The following JAZF1 variants were observed in gnomAD, a reference collection of about 807,000 sequenced individuals.
JAZF1 encodes the protein juxtaposed with another zinc finger protein 1.
A neutral mutation model predicts 26.4 loss-of-function variants in JAZF1; 8 were observed. The ratio of observed to expected loss-of-function variants is 0.30; its 90% CI spans 0.18 to 0.55. The LOEUF (loss-of-function observed/expected upper bound fraction) is 0.55. Ranked by LOEUF, JAZF1 falls within the 20% of genes least tolerant of loss-of-function variation. The pLI, the probability that JAZF1 is intolerant of heterozygous loss-of-function variation, is 0.94. For missense variants in JAZF1, 199 were observed against 322.0 expected (o/e 0.62, Z 2.92); for synonymous variants, 126 against 122.3 (o/e 1.03, Z -0.20).
intron 2 of JAZF1, among the ~76,000 whole-genome samples, chr7:27,915,794 A>G (rs1417867940): frequency 6.6e-6 from 1 of 152,244 alleles, no homozygotes; most frequent in Admixed American, 6.5e-5. Flanking sequence ...TTTATTATTA[A>G]TACTCCATTT....
intron 2 of JAZF1, among the ~76,000 whole-genome samples, chr7:27,897,485 G>C (rs947778638): frequency 6.6e-6 from 1 of 150,556 alleles, no homozygotes; most frequent in African/African-American, 2.5e-5. Flanking sequence ...ACGGGAGTCT[G>C]ATCTTTGGCT....
At chr7:28,163,912 T>C (rs554240855) in intron 1 of JAZF1, among the ~76,000 whole-genome samples, 2 of 152,358 alleles carry the variant, frequency 1.3e-5, no homozygotes, top group South Asian at 4.1e-4. Flanking sequence ...CAGCTCTCCC[T>C]CCTCAAAAGA....
intron 2 of JAZF1, among the ~76,000 whole-genome samples, chr7:27,897,651 G>A (rs1248307663): frequency 1.3e-5 from 2 of 152,210 alleles, no homozygotes; most frequent in African/African-American, 2.4e-5. Context: ...TGGACTTCCC[G>A]AGCGTGGTGA....
At chr7:27,841,190 C>A in intron 3 of JAZF1, 1 of 256,240 alleles carries the variant, frequency 3.9e-6, no homozygotes, top group African/African-American at 2.2e-5. Context: ...TGCTCTGGGG[C>A]CAAAACCAAA....
chr7:27,883,567 C>T (rs1047060771), intron 3 of JAZF1, among the ~76,000 whole-genome samples: 23 of 152,290 alleles, frequency 1.5e-4, no homozygotes, highest in African/African-American at 4.6e-4. Context: ...AGTGCCTGCC[C>T]GTCAGAGAAA....
intron 1 of JAZF1, among the ~76,000 whole-genome samples, chr7:28,013,924 A>T (rs1248501799): frequency 1.3e-5 from 2 of 152,206 alleles, no homozygotes; most frequent in Non-Finnish European, 2.9e-5. Context: ...TCAATATCTA[A>T]ATAAAAATTA....
At chr7:28,003,228 A>G (rs1194287088) in intron 1 of JAZF1, among the ~76,000 whole-genome samples, 1 of 134,488 alleles carries the variant, frequency 7.4e-6, no homozygotes, top group Non-Finnish European at 1.6e-5. Context: ...GATTTAAAAG[A>G]AAAAAAAAAC....
chr7:28,083,992 T>A (rs1037643166), intron 1 of JAZF1, among the ~76,000 whole-genome samples: 1 of 152,114 alleles, frequency 6.6e-6, no homozygotes, highest in African/African-American at 2.4e-5. Context: ...TGAAATAGCT[T>A]GTTTCTTTCC....
intron 1 of JAZF1, among the ~76,000 whole-genome samples, chr7:28,022,416 A>G (rs1783021387): frequency 6.6e-6 from 1 of 152,204 alleles, no homozygotes; most frequent in Non-Finnish European, 1.5e-5. Context: ...CTGCAATGAG[A>G]CAGTTTAGGA....
chr7:28,029,394 A>T (rs945224508), intron 1 of JAZF1, among the ~76,000 whole-genome samples: 2 of 152,236 alleles, frequency 1.3e-5, no homozygotes, highest in Non-Finnish European at 2.9e-5. Context: ...GTCTGTTGTA[A>T]GGAATTGCTA....
At chr7:28,051,376 C>T (rs954453564) in intron 1 of JAZF1, among the ~76,000 whole-genome samples, 4 of 151,872 alleles carry the variant, frequency 2.6e-5, no homozygotes, top group East Asian at 2.0e-4. Context: ...CACACCACCA[C>T]GCCTGGCTAA....
rs184199906 is a variant in JAZF1, at chr7:27,923,557, C to A, written c.189-28141G>T. Among the ~76,000 whole-genome samples the A allele has an allele frequency of 2.6e-5, 4 of 152,336 alleles. No homozygotes were observed. The East Asian group carries it at 7.7e-4, about 29-fold the overall frequency. On this transcript the variant is annotated intron_variant, in intron 2 of 4. Transcript: ENST00000283928. ...CTGTGGCTGACTGGATGGAACTGCA[C>A]ACTTCCCAGCAGATGTTGGGCTGCC...
chr7:27,862,806 A>G (rs1185228622), intron 3 of JAZF1, among the ~76,000 whole-genome samples: 1 of 152,192 alleles, frequency 6.6e-6, no homozygotes, highest in Non-Finnish European at 1.5e-5. Flanking sequence ...TTTTGGGTGC[A>G]TGTGCGTGTT....
chr7:28,098,435 T>C (rs908094103), intron 1 of JAZF1, among the ~76,000 whole-genome samples: 2 of 152,120 alleles, frequency 1.3e-5, no homozygotes, highest in African/African-American at 4.8e-5. Context: ...GTACGTCTTC[T>C]TCATCTTTAT....
At chr7:28,145,983 T>C (rs1191630830) in intron 1 of JAZF1, among the ~76,000 whole-genome samples, 1 of 152,228 alleles carries the variant, frequency 6.6e-6, no homozygotes, top group Non-Finnish European at 1.5e-5. Flanking sequence ...CTGAGTAGTA[T>C]TCCATTTCTC....
At chr7:28,116,651 C>T (rs1784749985) in intron 1 of JAZF1, among the ~76,000 whole-genome samples, 2 of 152,024 alleles carry the variant, frequency 1.3e-5, no homozygotes, top group African/African-American at 4.8e-5. Context: ...ACCATGTTGG[C>T]CAGGCTGGTC....
chr7:28,043,158 T>C (rs1165921596), intron 1 of JAZF1, among the ~76,000 whole-genome samples: 5 of 152,164 alleles, frequency 3.3e-5, no homozygotes, highest in Admixed American at 1.3e-4. Context: ...AACAATGAAC[T>C]GTGACATAAG....
intron 1 of JAZF1, among the ~76,000 whole-genome samples, chr7:28,154,067 A>G (rs1229255744): frequency 6.6e-6 from 1 of 152,200 alleles, no homozygotes; most frequent in Non-Finnish European, 1.5e-5. Flanking sequence ...GAAGAGGTAC[A>G]CATGAAGATG....
intron 1 of JAZF1, among the ~76,000 whole-genome samples, chr7:28,131,035 C>G (rs1463839353): frequency 6.6e-6 from 1 of 152,188 alleles, no homozygotes; most frequent in African/African-American, 2.4e-5. Flanking sequence ...TGGTCCCAAA[C>G]TGAGCTTATC....
Sources: allele counts gnomAD v4.1 joint callset (sites outside exome capture counted in the v4.1 genomes callset), GRCh38; gene constraint gnomAD v4.1.1; transcripts MANE v1.5; gene names NCBI Gene and HGNC (gene_info 2026-07-23, HGNC 2026-07-21).